The following ARHGAP35 variants were observed in gnomAD, a reference collection of about 807,000 sequenced individuals.
ARHGAP35 encodes rho GTPase-activating protein 35.
A neutral mutation model predicts 111.1 loss-of-function variants in ARHGAP35; 15 were observed. The ratio of observed to expected loss-of-function variants is 0.13; its 90% confidence interval spans 0.09 to 0.21. The LOEUF (loss-of-function observed/expected upper bound fraction) is 0.21. ARHGAP35 is among the 10% of genes least tolerant of loss of function. ARHGAP35 has a pLI of 1.00. For synonymous variants in ARHGAP35, 643 were observed against 710.3 expected (o/e 0.91, Z 1.51); for missense variants, 1,262 against 1,873.0 (o/e 0.67, Z 6.02).
intron 2 of ARHGAP35, among the ~76,000 whole-genome samples, chr19:46,930,936 A>T (rs2056269336): frequency 6.6e-6 from 1 of 152,128 alleles, no homozygotes; most frequent in East Asian, 1.9e-4. Context: ...TCATTAAAAA[A>T]AAACAAACCA....
At chr19:46,976,474 G>A (rs1307505740) in intron 3 of ARHGAP35, among the ~76,000 whole-genome samples, 3 of 152,228 alleles carry the variant, frequency 2.0e-5, no homozygotes, top group Admixed American at 6.5e-5. Flanking sequence ...CAGCAGCCAA[G>A]GAGAAGTAGA....
At chr19:46,937,555 C>A in intron 3 of ARHGAP35, 147 bp downstream of exon 3, 1 of 890,958 alleles carries the variant, frequency 1.1e-6, no homozygotes, top group Non-Finnish European at 1.7e-6. Flanking sequence ...CAACAGTTGT[C>A]AGATGTGTAG....
At position 46,891,611 on chromosome 19, in the gene ARHGAP35, G is replaced by A. The variant is rs1173938046; in HGVS notation, c.-188-26877G>A. ...CCAGCTAATTTTTGTATTTTCAGTAGAGACGGAGTTTCACCATGTTGGCCA... is the reference window on the plus strand; with the variant it reads ...CCAGCTAATTTTTGTATTTTCAGTAAAGACGGAGTTTCACCATGTTGGCCA... On this transcript the variant is annotated intron_variant, in intron 1 of 6. Transcript: ENST00000672722. 5.3e-5 allele frequency among the ~76,000 whole-genome samples: 8 copies of A among 152,012 alleles called. No homozygotes were observed. In the East Asian group the frequency reaches 1.6e-3, roughly 30 times the overall value.
In ARHGAP35 at chr19:46,978,009, G is replaced by A. The variant is rs573878427; in HGVS notation, c.3827-9980G>A. Among the ~76,000 whole-genome samples the A allele has an allele frequency of 2.0e-5, 3 of 152,330 alleles. No homozygotes were observed. The South Asian group carries it at 6.2e-4, about 32-fold the overall frequency. On this transcript the variant is annotated intron_variant, in intron 3 of 6. Transcript: ENST00000672722. ...CAGGGGAGACCTCGGAGGGAGCATT[G>A]TTTAGTCACAGAACAGAGGTAAAAG...
At chr19:46,968,368 G>A (rs1311262308) in intron 3 of ARHGAP35, among the ~76,000 whole-genome samples, 1 of 152,166 alleles carries the variant, frequency 6.6e-6, no homozygotes, top group Non-Finnish European at 1.5e-5. Flanking sequence ...AGGAGCTGTG[G>A]GTCAGCAGAG....
chr19:46,921,537 C>T lies in ARHGAP35; in HGVS notation c.2862C>T (p.Tyr954=), dbSNP rs752812008. Residue 954 remains tyrosine (Y), a synonymous_variant, in exon 2 of 7, where the codon TAC becomes TAT. Coordinates refer to ENST00000672722, the MANE Select transcript of ARHGAP35 (RefSeq NM_004491.5). This position sits in a 1 kb window ranked among gnomAD's most constrained non-coding sequence, Gnocchi z 4.3. ...ACATAATCGAGGCTACTCATATGTA[C>T]GATAATGCTGCCGAGGCCTGTAGCA... The part of the protein sequence containing the change: ...KKNIIEATHM[Y]DNAAEACSTT... The T allele has an allele frequency of 4.3e-5, 70 of 1,613,840 alleles. No individual in the cohort carries two copies. Among genetic ancestry groups the T allele is most frequent in the African/African-American group, 5.3e-5 (4 of 74,898 alleles).
At chr19:46,987,661 T>C (rs2056658556) in intron 3 of ARHGAP35, among the ~76,000 whole-genome samples, 1 of 152,228 alleles carries the variant, frequency 6.6e-6, no homozygotes, top group African/African-American at 2.4e-5. Context: ...TTAAAATATA[T>C]ACTACCTCTG....
rs1011595467 is a variant in ARHGAP35, at chr19:46,993,996, G to A, written c.4036+4321G>A. On this transcript the variant is annotated intron_variant, in intron 5 of 6. Coordinates refer to ENST00000672722, the MANE Select transcript of ARHGAP35 (RefSeq NM_004491.5). The surrounding 1 kb of genome is among the most constrained non-coding windows in gnomAD (Gnocchi z 4.6). ...CAAAGGGCAGGCTGAGGGAGCAGAG[G>A]ATGTGAGGATCGGGCCCTCCACAGT... is the stretch of plus-strand genomic sequence containing the variant. Among the ~76,000 whole-genome samples the A allele has an allele frequency of 6.6e-6, 1 of 152,224 alleles. No individual in the cohort carries two copies. Among genetic ancestry groups the A allele is most frequent in the African/African-American group, 2.4e-5 (1 of 41,454 alleles).
At chr19:46,961,320 G>A (rs1413941530) in intron 3 of ARHGAP35, among the ~76,000 whole-genome samples, 1 of 152,100 alleles carries the variant, frequency 6.6e-6, no homozygotes, top group African/African-American at 2.4e-5. Flanking sequence ...ACACATACAT[G>A]TGCATGCAAA....
At chr19:46,949,421 T>C (rs2056399755) in intron 3 of ARHGAP35, among the ~76,000 whole-genome samples, 1 of 152,246 alleles carries the variant, frequency 6.6e-6, no homozygotes, top group African/African-American at 2.4e-5. Flanking sequence ...GCATCTCTAC[T>C]GGATGAACCC....
At chr19:46,966,974 A>G (rs933883862) in intron 3 of ARHGAP35, among the ~76,000 whole-genome samples, 3 of 152,096 alleles carry the variant, frequency 2.0e-5, no homozygotes, top group Admixed American at 2.0e-4. Flanking sequence ...GGATGGGAGG[A>G]ATAGTCTAGG....
chr19:46,957,368 CT>C (rs1313214387), intron 3 of ARHGAP35, among the ~76,000 whole-genome samples: 3 of 152,212 alleles, frequency 2.0e-5, no homozygotes, highest in Non-Finnish European at 4.4e-5. Context: ...CATCCCAGTG[CT>C]TCTGGAGGCC....
chr19:46,972,112 C>A (rs549660775), intron 3 of ARHGAP35, among the ~76,000 whole-genome samples: 1 of 152,308 alleles, frequency 6.6e-6, no homozygotes, highest in East Asian at 1.9e-4. Flanking sequence ...CGGGTTCAAG[C>A]GATCCCCCAC....
At chr19:46,912,959 G>A (rs1370535453) in intron 1 of ARHGAP35, among the ~76,000 whole-genome samples, 2 of 151,896 alleles carry the variant, frequency 1.3e-5, no homozygotes, top group African/African-American at 4.8e-5. Context: ...TGTTAGTTAC[G>A]ATGTATATTT....
rs1338349106 is a variant in ARHGAP35, at chr19:46,945,881, C to T, written c.3826+8473C>T. Among the ~76,000 whole-genome samples the T allele has an allele frequency of 6.6e-6, 1 of 152,194 alleles. No homozygotes were observed. The highest frequency in any genetic ancestry group is 1.5e-5 in the Non-Finnish European group (1 of 68,030). ...TGGCAACAGTGAGGAAATGATTTCC[C>T]TGGCCCCAGTCCTTTCTTAATTGGT... On this transcript the variant is annotated intron_variant, in intron 3 of 6. Transcript: ENST00000672722. The surrounding 1 kb of genome is among the most constrained non-coding windows in gnomAD (Gnocchi z 4.1).
intron 1 of ARHGAP35, among the ~76,000 whole-genome samples, chr19:46,886,809 A>G (rs1209633075): frequency 6.6e-6 from 1 of 152,182 alleles, no homozygotes; most frequent in Non-Finnish European, 1.5e-5. Context: ...AAGAGGATGA[A>G]TCACTGTTTT....
intron 3 of ARHGAP35, among the ~76,000 whole-genome samples, chr19:46,984,767 C>T (rs1181472407): frequency 6.6e-6 from 1 of 152,204 alleles, no homozygotes; most frequent in Non-Finnish European, 1.5e-5. Flanking sequence ...GTGTGACGAT[C>T]CATCTAGTGA....
At chr19:46,889,695 G>A (rs1282850737) in intron 1 of ARHGAP35, among the ~76,000 whole-genome samples, 2 of 144,126 alleles carry the variant, frequency 1.4e-5, no homozygotes, top group Non-Finnish European at 3.0e-5. Context: ...AGCTTGCAGT[G>A]AGCCGAGATC....
At position 46,861,026 on chromosome 19, in the gene ARHGAP35, A is replaced by AGGAGGAGGT. The variant is rs925344927; in HGVS notation, c.-363_-355dup. ...CGAGGGAGAGCCGCGGCGCGGCGGC[A>AGGAGGAGGT]GGAGGAGGTGGAGGAGGCGGAGGAG... On this transcript the variant is annotated 5_prime_UTR_variant, in exon 1 of 7. Transcript: ENST00000672722. Among the ~76,000 whole-genome samples, 2 of 142,262 alleles carry AGGAGGAGGT rather than the reference A, an allele frequency of 1.4e-5. No individual in the cohort carries two copies. The highest frequency in any genetic ancestry group is 6.9e-5 in the Admixed American group (1 of 14,528). 93.3% of individuals were successfully genotyped at this position (142,262 alleles called of 152,430 possible). A position where few individuals can be genotyped will look rare whatever the true frequency, so the allele number is the denominator to read the frequency against.
Sources: gnomAD v4.1 joint callset for allele counts (sites outside exome capture counted in the v4.1 genomes callset) on GRCh38, gnomAD v4.1.1 for gene constraint, Gnocchi (gnomAD v3.1) non-coding constraint, MANE v1.5 for transcripts, NCBI Gene and HGNC (gene_info 2026-07-23, HGNC 2026-07-21) for gene names.